CNTNAP4: variants seen among roughly 807,000 people sequenced by gnomAD.
CNTNAP4 encodes contactin associated protein family member 4.
Under a neutral mutation model 148.4 loss-of-function variants are expected in CNTNAP4, and 98 were observed. The observed-to-expected ratio is 0.66, with a 90% CI of 0.56 to 0.78. The LOEUF (loss-of-function observed/expected upper bound fraction) is 0.78. CNTNAP4 is among the 30% of genes least tolerant of loss of function. The pLI is 0.00. For missense variants in CNTNAP4, 1,935 were observed against 1,565.6 expected, an observed-to-expected ratio of 1.24 and a Z score of -3.98; for synonymous variants, 730 against 565.1, an observed-to-expected ratio of 1.29 and a Z score of -4.14.
rs1294537582 is a variant in CNTNAP4 at position 76,349,664 on chromosome 16, TTGGAGGGAAACTTTCTTA to T, written c.197-5651_197-5634del. Among the ~76,000 whole-genome samples the T allele has an allele frequency of 2.0e-5, 3 of 152,288 alleles. No individual in the cohort carries two copies. In the South Asian group the frequency reaches 6.2e-4, roughly 32 times the overall value. On this transcript the variant is annotated intron_variant, in intron 2 of 23. Coordinates refer to ENST00000611870, the MANE Select transcript of CNTNAP4 (RefSeq NM_033401.5). ...CGCATTTGAAAAAAAAGTAATTATC[TTGGAGGGAAACTTTCTTA>T]TGACAATTTTAATTAAGCCAATTAT...
At chr16:76,461,368 T>A (rs911290214) in intron 8 of CNTNAP4, among the ~76,000 whole-genome samples, 3 of 152,184 alleles carry the variant, frequency 2.0e-5, no homozygotes, top group African/African-American at 7.2e-5. Context: ...AAATATTGAT[T>A]TGAGAGTTAC....
chr16:76,406,515 T>C (rs1385481468), intron 3 of CNTNAP4, among the ~76,000 whole-genome samples: 4 of 152,128 alleles, frequency 2.6e-5, no homozygotes, highest in Non-Finnish European at 5.9e-5. Context: ...AGGAAGACAT[T>C]GTCCACCAAG....
intron 17 of CNTNAP4, among the ~76,000 whole-genome samples, chr16:76,531,348 A>G (rs1232410901): frequency 1.3e-5 from 2 of 152,212 alleles, no homozygotes; most frequent in Non-Finnish European, 2.9e-5. Flanking sequence ...CCTGAGAATA[A>G]TAAACATGAG....
At chr16:76,441,441 GGC>G (rs1251074259) in intron 4 of CNTNAP4, among the ~76,000 whole-genome samples, 2 of 152,102 alleles carry the variant, frequency 1.3e-5, no homozygotes, top group South Asian at 2.1e-4. Context: ...TATACCTACG[GGC>G]ACAGGGAGAA....
At chr16:76,284,573 A>G (rs943648491) in intron 1 of CNTNAP4, among the ~76,000 whole-genome samples, 1 of 151,986 alleles carries the variant, frequency 6.6e-6, no homozygotes, top group African/African-American at 2.4e-5. Flanking sequence ...AATCTTAAGA[A>G]ATAGTAGTTT....
intron 2 of CNTNAP4, 96 bp from the exon 3 acceptor site, chr16:76,355,222 T>C: frequency 2.5e-6 from 2 of 808,534 alleles, no homozygotes; most frequent in Non-Finnish European, 3.6e-6. Context: ...TTAAGTTCCA[T>C]AGAGGAATAC....
intron 2 of CNTNAP4, among the ~76,000 whole-genome samples, chr16:76,336,834 A>T (rs920900047): frequency 3.3e-5 from 5 of 152,206 alleles, no homozygotes; most frequent in African/African-American, 1.2e-4. Context: ...TCTTCATTCA[A>T]TGTCTACCTT....
At chr16:76,318,025 C>T (rs1372042162) in intron 2 of CNTNAP4, among the ~76,000 whole-genome samples, 2 of 152,132 alleles carry the variant, frequency 1.3e-5, no homozygotes, top group Non-Finnish European at 2.9e-5. Flanking sequence ...TCACATGGGA[C>T]TGTCTCTTCC....
intron 2 of CNTNAP4, among the ~76,000 whole-genome samples, chr16:76,323,423 T>A (rs924286339): frequency 6.6e-6 from 1 of 152,190 alleles, no homozygotes; most frequent in Admixed American, 6.5e-5. Context: ...CAGTGATGTA[T>A]CACTTGTTCT....
intron 15 of CNTNAP4, among the ~76,000 whole-genome samples, chr16:76,519,800 A>G (rs1282189887): frequency 2.0e-5 from 3 of 152,250 alleles, no homozygotes; most frequent in Non-Finnish European, 4.4e-5. Flanking sequence ...AGTTGAATAA[A>G]TTCAGCTCTA....
At chr16:76,460,970 A>G (rs1430379028) in intron 8 of CNTNAP4, among the ~76,000 whole-genome samples, 1 of 151,202 alleles carries the variant, frequency 6.6e-6, no homozygotes, top group Non-Finnish European at 1.5e-5. Context: ...TCAATACATA[A>G]TCTTGTTTTA....
Position 76,521,320 on chromosome 16 carries a change from CT to C in CNTNAP4, c.2536+14del. On this transcript the variant is annotated intron_variant, in intron 16 of 23. Coordinates refer to ENST00000611870, the MANE Select transcript of CNTNAP4 (RefSeq NM_033401.5). ...CGGATAGAGCTTCGCTGTAAGTCTC[CT>C]TTTCCAGAGAAGTGTATGAGATTCT... 2 of 1,591,716 alleles carry C rather than the reference CT, an allele frequency of 1.3e-6. No homozygotes were observed. The highest frequency in any genetic ancestry group is 2.2e-5 in the East Asian group (1 of 44,592).
At chr16:76,395,793 A>G (rs1372685796) in intron 3 of CNTNAP4, among the ~76,000 whole-genome samples, 2 of 150,378 alleles carry the variant, frequency 1.3e-5, no homozygotes, top group African/African-American at 2.5e-5. Flanking sequence ...CGGTGGAGTG[A>G]TCTCAGCTCA....
chr16:76,493,790 G>A (rs770104409), intron 13 of CNTNAP4, among the ~76,000 whole-genome samples: 1 of 152,142 alleles, frequency 6.6e-6, no homozygotes, highest in East Asian at 1.9e-4. Context: ...CTCTTTGCTG[G>A]TTTTTTGTTT....
At chr16:76,364,233 C>CAAAAAAAAAAAAAAAAAAAAAAAAAA (rs58589609) in intron 3 of CNTNAP4, among the ~76,000 whole-genome samples, 8 of 48,178 alleles carry the variant, frequency 1.7e-4, no homozygotes, top group East Asian at 8.8e-4. Flanking sequence ...GATTCCATCT[C>CAAAAAAAAAAAAAAAAAAAAAAAAAA]AAAAAAAAAA....
At chr16:76,345,021 A>T (rs17698942) in intron 2 of CNTNAP4, among the ~76,000 whole-genome samples, 28,579 of 152,146 alleles carry the variant, frequency 0.19, 3,517 homozygotes, top group East Asian at 0.49. Flanking sequence ...TGATCCTAAC[A>T]CTGGATATTT....
intron 4 of CNTNAP4, among the ~76,000 whole-genome samples, chr16:76,436,961 A>ATATTTATCTATC (rs2079850778): frequency 1.4e-5 from 2 of 140,178 alleles, no homozygotes; most frequent in African/African-American, 2.6e-5. Flanking sequence ...CTAATACAGA[A>ATATTTATCTATC]TATCTATCTA....
intron 9 of CNTNAP4, among the ~76,000 whole-genome samples, chr16:76,465,152 C>T (rs1443832227): frequency 6.6e-6 from 1 of 152,152 alleles, no homozygotes; most frequent in Non-Finnish European, 1.5e-5. Context: ...ATCTGTTATC[C>T]TCGGAGGTGC....
rs748117103 is a variant in CNTNAP4 at position 76,489,699 on chromosome 16, C to T, written c.1896C>T (p.Thr632=). ...TCTGCATACAAGAAACTGCATGGAC[C>T]ATCATACAGCACAACGGCTCTGACT... is the stretch of plus-strand genomic sequence containing the variant. ...LYCNMTETAW[T]IIQHNGSDLT... Residue 632 remains threonine, a synonymous_variant, in exon 13 of 24, where the codon ACC becomes ACT. Coordinates refer to ENST00000611870, the MANE Select transcript of CNTNAP4 (RefSeq NM_033401.5). 5 of 1,587,414 alleles carry T rather than the reference C, an allele frequency of 3.1e-6. No homozygotes were observed. In the African/African-American group the frequency reaches 6.7e-5, roughly 21 times the overall value.
Sources: allele counts gnomAD v4.1 joint callset (sites outside exome capture counted in the v4.1 genomes callset), GRCh38; gene constraint gnomAD v4.1.1; transcripts MANE v1.5; gene names NCBI Gene and HGNC (gene_info 2026-07-23, HGNC 2026-07-21).